CSMD3: variants seen among roughly 807,000 people sequenced by gnomAD.
CSMD3 encodes CUB and Sushi multiple domains 3.
Under a neutral mutation model 435.2 loss-of-function variants are expected in CSMD3, and 177 were observed. That is an observed-to-expected ratio of 0.41 (90% CI 0.36 to 0.46). CSMD3 has a LOEUF of 0.46. Among genes scored for constraint, CSMD3 ranks in the 20% least tolerant of loss-of-function variants. The pLI, the probability that CSMD3 is intolerant of heterozygous loss-of-function variation, is 0.34. For missense variants in CSMD3, 4,265 were observed against 4,504.6 expected (o/e 0.95, Z 1.52); for synonymous variants, 1,656 against 1,520.5 (o/e 1.09, Z -2.07).
At chr8:112,964,550 C>A (rs2084347659) in intron 7 of CSMD3, among the ~76,000 whole-genome samples, 1 of 151,858 alleles carries the variant, frequency 6.6e-6, no homozygotes, top group Non-Finnish European at 1.5e-5. Flanking sequence ...TGTAGCAAAA[C>A]CAACTGCTAT....
At chr8:113,324,355 C>T (rs1013174495) in intron 1 of CSMD3, among the ~76,000 whole-genome samples, 2 of 152,116 alleles carry the variant, frequency 1.3e-5, no homozygotes, top group African/African-American at 4.8e-5. Context: ...GGCCTAGGGT[C>T]TCTGGGCTGT....
At chr8:113,162,894 C>T (rs1366967693) in intron 4 of CSMD3, among the ~76,000 whole-genome samples, 1 of 152,128 alleles carries the variant, frequency 6.6e-6, no homozygotes, top group African/African-American at 2.4e-5. Flanking sequence ...TAATACTCTT[C>T]ACACCACGTT....
intron 16 of CSMD3, among the ~76,000 whole-genome samples, chr8:112,680,724 C>A (rs2075870268): frequency 6.6e-6 from 1 of 151,978 alleles, no homozygotes; most frequent in Non-Finnish European, 1.5e-5. Flanking sequence ...GAAGGGGCCA[C>A]TAGGAAAACA....
chr8:113,118,117 T>C (rs1361706207), intron 4 of CSMD3, among the ~76,000 whole-genome samples: 1 of 152,170 alleles, frequency 6.6e-6, no homozygotes, highest in Non-Finnish European at 1.5e-5. Flanking sequence ...CTAATAACCA[T>C]GTCAGCTAAA....
At chr8:112,454,222 T>C (rs112468765) in intron 32 of CSMD3, among the ~76,000 whole-genome samples, 2 of 152,180 alleles carry the variant, frequency 1.3e-5, no homozygotes, top group African/African-American at 4.8e-5. Context: ...TCAAAAGCAG[T>C]TGCAACAGAA....
At chr8:112,606,990 A>AG (rs1404855129) in intron 22 of CSMD3, among the ~76,000 whole-genome samples, 1 of 150,250 alleles carries the variant, frequency 6.7e-6, no homozygotes, top group Non-Finnish European at 1.5e-5. Flanking sequence ...AAAAAAAAAA[A>AG]AAAAGCTAAG....
chr8:112,308,374 T>C (rs1755308831), intron 50 of CSMD3, among the ~76,000 whole-genome samples: 1 of 152,140 alleles, frequency 6.6e-6, no homozygotes, highest in South Asian at 2.1e-4. Context: ...AGTTAAATAG[T>C]ATAGATTCCA....
At chr8:112,416,405 C>A (rs1310560506) in intron 32 of CSMD3, among the ~76,000 whole-genome samples, 1 of 152,170 alleles carries the variant, frequency 6.6e-6, no homozygotes, top group Non-Finnish European at 1.5e-5. Context: ...ATCAATAAAA[C>A]CTCTTTCCTT....
intron 38 of CSMD3, among the ~76,000 whole-genome samples, chr8:112,368,994 CTTT>C (rs1235201998): frequency 1.1e-4 from 16 of 152,074 alleles, no homozygotes; most frequent in Non-Finnish European, 2.9e-5. Context: ...GTATAACCTT[CTTT>C]ATTATAATTA....
At chr8:113,232,312 G>T (rs1351134224) in intron 3 of CSMD3, among the ~76,000 whole-genome samples, 1 of 151,496 alleles carries the variant, frequency 6.6e-6, no homozygotes, top group East Asian at 1.9e-4. Flanking sequence ...TTTTTATTTT[G>T]TAATTTGATG....
intron 45 of CSMD3, among the ~76,000 whole-genome samples, chr8:112,330,529 A>C (rs1332381132): frequency 1.3e-5 from 2 of 152,092 alleles, no homozygotes; most frequent in Admixed American, 6.6e-5. Flanking sequence ...ATTTTGAGTG[A>C]CATAAGCCAG....
At chr8:113,104,994 A>G (rs1338153568) in intron 4 of CSMD3, among the ~76,000 whole-genome samples, 2 of 152,156 alleles carry the variant, frequency 1.3e-5, no homozygotes, top group South Asian at 2.1e-4. Flanking sequence ...AAAGTAATTA[A>G]TAAGTATGTG....
chr8:113,097,007 A>G, intron 5 of CSMD3, among the ~76,000 whole-genome samples: 1 of 151,900 alleles, frequency 6.6e-6, no homozygotes, highest in Non-Finnish European at 1.5e-5. Flanking sequence ...TTTGTTCTAG[A>G]TTCAGCTTTG....
chr8:112,783,321 C>G (rs1018357932), intron 13 of CSMD3, among the ~76,000 whole-genome samples: 2 of 147,612 alleles, frequency 1.4e-5, no homozygotes, highest in African/African-American at 5.0e-5. Flanking sequence ...AAAACTACAA[C>G]AGATACACAA....
At chr8:112,695,081 G>C (rs894257152) in intron 13 of CSMD3, among the ~76,000 whole-genome samples, 4 of 151,996 alleles carry the variant, frequency 2.6e-5, no homozygotes, top group Non-Finnish European at 5.9e-5. Flanking sequence ...TGGAAAATCG[G>C]GTCACTTCCA....
At chr8:112,981,392 A>AT (rs1273115886) in intron 6 of CSMD3, among the ~76,000 whole-genome samples, 1 of 151,496 alleles carries the variant, frequency 6.6e-6, no homozygotes, top group African/African-American at 2.4e-5. Context: ...TAAAAATATA[A>AT]TTGAGTTTAA....
At chr8:113,005,689 T>G (rs1382302071) in intron 6 of CSMD3, among the ~76,000 whole-genome samples, 1 of 152,008 alleles carries the variant, frequency 6.6e-6, no homozygotes, top group Non-Finnish European at 1.5e-5. Flanking sequence ...TTCAGCAATT[T>G]TTATATAATG....
At chr8:112,518,715 A>C (rs1242154543) in intron 27 of CSMD3, among the ~76,000 whole-genome samples, 1 of 151,880 alleles carries the variant, frequency 6.6e-6, no homozygotes, top group Non-Finnish European at 1.5e-5. Context: ...ACCCAAACTA[A>C]AATTGATATA....
intron 10 of CSMD3, among the ~76,000 whole-genome samples, chr8:112,863,242 A>G (rs1370060757): frequency 1.3e-5 from 2 of 151,952 alleles, no homozygotes; most frequent in African/African-American, 4.8e-5. Flanking sequence ...TGTATTTTAT[A>G]TCTCACTCAA....
Sources: gnomAD v4.1 joint callset for allele counts (sites outside exome capture counted in the v4.1 genomes callset) on GRCh38, gnomAD v4.1.1 for gene constraint, MANE v1.5 for transcripts, NCBI Gene and HGNC (gene_info 2026-07-23, HGNC 2026-07-21) for gene names.